Variants in MBD5 observed in about 807,000 individuals in gnomAD.
MBD5 encodes methyl-CpG-binding domain protein 5.
In MBD5, 13 loss-of-function variants were observed where a neutral mutation model predicts 117.3. The observed-to-expected ratio is 0.11, with a 90% CI of 0.07 to 0.18. The LOEUF (loss-of-function observed/expected upper bound fraction) is 0.18. Ranked by LOEUF, MBD5 falls within the 10% of genes least tolerant of loss-of-function variation. MBD5 has a pLI of 1.00. For synonymous variants in MBD5, 727 were observed against 766.4 expected (o/e 0.95, Z 0.85); for missense variants, 1,879 against 2,093.8 (o/e 0.90, Z 2.00).
intron 4 of MBD5, among the ~76,000 whole-genome samples, chr2:148,366,534 C>A (rs1288960827): frequency 6.6e-6 from 1 of 152,056 alleles, no homozygotes. Context: ...ACAAAGTCAA[C>A]TTGTCCCTGT....
chr2:148,447,904 C>A (rs1706616944), intron 4 of MBD5, among the ~76,000 whole-genome samples: 1 of 152,094 alleles, frequency 6.6e-6, no homozygotes, highest in Non-Finnish European at 1.5e-5. Flanking sequence ...TTTTGCTTAT[C>A]TGTTTGTTAA....
chr2:148,165,147 C>T (rs1473727961), intron 1 of MBD5, among the ~76,000 whole-genome samples: 2 of 152,082 alleles, frequency 1.3e-5, no homozygotes, highest in Admixed American at 6.6e-5. Context: ...CTAAAAGATC[C>T]AATCTCTTTA....
chr2:148,165,093 G>A (rs1574085774), intron 1 of MBD5, among the ~76,000 whole-genome samples: 1 of 151,964 alleles, frequency 6.6e-6, no homozygotes, highest in Non-Finnish European at 1.5e-5. Flanking sequence ...ATAAAACAAC[G>A]ATCATTTTTA....
chr2:148,350,275 C>A (rs1703219394), intron 4 of MBD5, among the ~76,000 whole-genome samples: 1 of 152,014 alleles, frequency 6.6e-6, no homozygotes. Flanking sequence ...TTCTTCTGCC[C>A]TCATGACTTC....
intron 1 of MBD5, among the ~76,000 whole-genome samples, chr2:148,035,286 T>C (rs1289401315): frequency 6.6e-6 from 1 of 152,070 alleles, no homozygotes; most frequent in Non-Finnish European, 1.5e-5. Flanking sequence ...CTATTAGTAA[T>C]AGTAGAAGGC....
intron 3 of MBD5, among the ~76,000 whole-genome samples, chr2:148,310,634 GTC>G (rs1260551043): frequency 6.6e-6 from 1 of 151,908 alleles, no homozygotes; most frequent in Non-Finnish European, 1.5e-5. Flanking sequence ...TGTTTTTCGT[GTC>G]TCTCTATCCT....
chr2:148,305,875 C>A (rs1301624562), intron 3 of MBD5, among the ~76,000 whole-genome samples: 1 of 152,154 alleles, frequency 6.6e-6, no homozygotes, highest in East Asian at 1.9e-4. Flanking sequence ...AGACAGTGAA[C>A]AGAGCTAGAA....
At chr2:148,239,742 T>C (rs1168853619) in intron 3 of MBD5, among the ~76,000 whole-genome samples, 1 of 140,232 alleles carries the variant, frequency 7.1e-6, no homozygotes, top group Non-Finnish European at 1.5e-5. Flanking sequence ...GGGTCTTGCA[T>C]TGTAGCCCAG....
intron 3 of MBD5, among the ~76,000 whole-genome samples, chr2:148,262,539 C>T (rs1158205450): frequency 6.6e-6 from 1 of 151,876 alleles, no homozygotes; most frequent in African/African-American, 2.4e-5. Flanking sequence ...ATGCTTTTGT[C>T]ATTTCAGTTT....
At chr2:148,057,749 G>A (rs954405585) in intron 1 of MBD5, among the ~76,000 whole-genome samples, 3 of 151,714 alleles carry the variant, frequency 2.0e-5, no homozygotes, top group African/African-American at 7.3e-5. Flanking sequence ...CATTACTTAG[G>A]TTTCTTCCTT....
intron 3 of MBD5, among the ~76,000 whole-genome samples, chr2:148,289,913 T>C (rs1701458714): frequency 3.0e-4 from 1 of 3,366 alleles, no homozygotes; most frequent in African/African-American, 5.3e-4. Context: ...TTCTTACACT[T>C]ATTTGTATTC....
chr2:148,180,665 G>A (rs1429036147), intron 2 of MBD5, among the ~76,000 whole-genome samples: 1 of 151,786 alleles, frequency 6.6e-6, no homozygotes, highest in Non-Finnish European at 1.5e-5. Context: ...CAAAGTGATG[G>A]GATTACATGC....
In MBD5 at chr2:148,358,618, CAA is replaced by C. The variant is rs35838466; in HGVS notation, c.-557+16300_-557+16301del. ...ACAGGTGAAACCCCCACTAAAAATA[CAA>C]AAAAAAAAAAAAAAAAAGCTGGGTG... On this transcript the variant is annotated intron_variant, in intron 4 of 13. Transcript: ENST00000642680. 6.3e-4 allele frequency among the ~76,000 whole-genome samples: 52 copies of C among 82,500 alleles called. 1 individual carries two copies. Among genetic ancestry groups the C allele is most frequent in the Non-Finnish European group, 8.0e-4 (34 of 42,490 alleles). 54.1% of individuals were successfully genotyped at this position (82,500 alleles called of 152,430 possible).
intron 4 of MBD5, among the ~76,000 whole-genome samples, chr2:148,435,532 T>C (rs1001129983): frequency 6.6e-6 from 1 of 152,100 alleles, no homozygotes; most frequent in Admixed American, 6.6e-5. Flanking sequence ...AATGCTTAGA[T>C]GGACATTTTT....
chr2:148,442,269 AT>A (rs1478657651), intron 4 of MBD5, among the ~76,000 whole-genome samples: 1 of 151,386 alleles, frequency 6.6e-6, no homozygotes, highest in Non-Finnish European at 1.5e-5. Context: ...CTACTGATTA[AT>A]AGTGTTCATC....
chr2:148,432,888 T>C (rs1467408742), intron 4 of MBD5, among the ~76,000 whole-genome samples: 7 of 152,312 alleles, frequency 4.6e-5, no homozygotes, highest in Middle Eastern at 3.4e-3. Context: ...AAATAGTTTT[T>C]CTAATTCTGT....
chr2:148,060,589 A>G (rs1463485522), intron 1 of MBD5, among the ~76,000 whole-genome samples: 1 of 152,172 alleles, frequency 6.6e-6, no homozygotes, highest in Non-Finnish European at 1.5e-5. Context: ...AAAGATATTT[A>G]CTTGTTTTTA....
chr2:148,221,578 A>G lies in MBD5; in HGVS notation c.-830-11667A>G, dbSNP rs193013571. Among the ~76,000 whole-genome samples the G allele has an allele frequency of 3.7e-3, 560 of 152,158 alleles. 10 individuals carry two copies. The highest frequency in any genetic ancestry group is 0.013 in the African/African-American group (544 of 41,532). ...CCATGGCTTCTTTTGAGAAATGTTT[A>G]CTCAAATCTTTTGCCCATTTTTTAA... On this transcript the variant is annotated intron_variant, in intron 2 of 13. Coordinates refer to ENST00000642680, the MANE Select transcript of MBD5 (RefSeq NM_001378120.1).
chr2:148,279,522 A>T (rs752213397), intron 3 of MBD5, among the ~76,000 whole-genome samples: 1 of 152,190 alleles, frequency 6.6e-6, no homozygotes, highest in Non-Finnish European at 1.5e-5. Context: ...AGAGTAATTA[A>T]TGCTTTACCA....
Sources: allele counts gnomAD v4.1 joint callset (sites outside exome capture counted in the v4.1 genomes callset), GRCh38; gene constraint gnomAD v4.1.1; transcripts MANE v1.5; gene names NCBI Gene and HGNC (gene_info 2026-07-23, HGNC 2026-07-21).